ARHGEF37: variants seen among roughly 807,000 people sequenced by gnomAD.
ARHGEF37 encodes Rho guanine nucleotide exchange factor 37.
A neutral mutation model predicts 71.1 loss-of-function variants in ARHGEF37; 55 were observed. That is an observed-to-expected ratio of 0.77 (90% CI 0.62 to 0.97). ARHGEF37 has a LOEUF of 0.97. Among genes scored for constraint, ARHGEF37 ranks in the 50% least tolerant of loss-of-function variants. The pLI is 0.00. For missense variants in ARHGEF37, 765 were observed against 836.8 expected, an observed-to-expected ratio of 0.91 and a Z score of 1.06; for synonymous variants, 327 against 350.6, an observed-to-expected ratio of 0.93 and a Z score of 0.75.
At chr5:149,595,800 C>T (rs10075357) in intron 1 of ARHGEF37, among the ~76,000 whole-genome samples, 16,206 of 152,122 alleles carry the variant, frequency 0.11, 2,045 homozygotes, top group African/African-American at 0.3. Context: ...GCCACCTGGA[C>T]CACATGTGTA....
chr5:149,566,860 C>G (rs2113240774), intron 1 of ARHGEF37, among the ~76,000 whole-genome samples: 1 of 152,234 alleles, frequency 6.6e-6, no homozygotes, highest in East Asian at 1.9e-4. Flanking sequence ...GTACATATAT[C>G]TCTTCTAATT....
At chr5:149,568,930 T>TA (rs1191993923) in intron 1 of ARHGEF37, among the ~76,000 whole-genome samples, 7 of 151,508 alleles carry the variant, frequency 4.6e-5, no homozygotes, top group African/African-American at 1.7e-4. Context: ...GATTTTTTTT[T>TA]ATCATAGATT....
intron 1 of ARHGEF37, among the ~76,000 whole-genome samples, chr5:149,591,724 A>C (rs1763412528): frequency 1.3e-5 from 2 of 152,168 alleles, no homozygotes; most frequent in Admixed American, 1.3e-4. Context: ...CCATACAACT[A>C]TTCTATTTTT....
intron 4 of ARHGEF37, among the ~76,000 whole-genome samples, chr5:149,614,718 G>A (rs550323268): frequency 7.5e-4 from 114 of 152,318 alleles, no homozygotes; most frequent in African/African-American, 2.5e-3. Flanking sequence ...GATGACCAGC[G>A]TAGGCGTCTC....
chr5:149,563,173 C>G (rs1762858249), intron 1 of ARHGEF37, among the ~76,000 whole-genome samples: 1 of 152,186 alleles, frequency 6.6e-6, no homozygotes, highest in Non-Finnish European at 1.5e-5. Flanking sequence ...GCCATCCTTC[C>G]TAGACAATGC....
Position 149,598,737 on chromosome 5 carries a change from C to CAT in ARHGEF37, c.186+793_186+794dup, listed in dbSNP as rs201234693. On this transcript the variant is annotated intron_variant, in intron 2 of 12. Transcript: ENST00000333677. The stretch of plus-strand genomic sequence containing the variant: ...ACAGAATTCCAGAAAAAATAAATCT[C>CAT]ATATATATATATCTATATATAGATA... Among the ~76,000 whole-genome samples the CAT allele has an allele frequency of 6.6e-3, 695 of 104,634 alleles. 26 individuals carry two copies. The highest frequency in any genetic ancestry group is 0.022 in the African/African-American group (629 of 28,572). The allele number at this position is 104,634 out of a possible 152,430, so 68.6% of individuals were successfully genotyped here.
chr5:149,561,137 G>A (rs1171221219), intron 1 of ARHGEF37, among the ~76,000 whole-genome samples: 1 of 152,006 alleles, frequency 6.6e-6, no homozygotes, highest in East Asian at 1.9e-4. Flanking sequence ...GCTGGGCGTG[G>A]TGGCAAGCAC....
intron 1 of ARHGEF37, among the ~76,000 whole-genome samples, chr5:149,556,293 A>G (rs962316598): frequency 2.6e-5 from 4 of 152,302 alleles, no homozygotes; most frequent in African/African-American, 9.6e-5. Context: ...TCCCGGGTGC[A>G]AGTGATTCTC....
rs941042394 is a variant in ARHGEF37 at position 149,581,528 on chromosome 5, C to T, written c.-108C>T. 1 of 152,034 alleles carries T rather than the reference C, an allele frequency of 6.6e-6. No individual in the cohort carries two copies. Among genetic ancestry groups the T allele is most frequent in the Non-Finnish European group, 1.5e-5 (1 of 67,980 alleles). The allele number at this position is 152,034 out of a possible 1,614,324, so 9.4% of individuals were successfully genotyped here. A position where few individuals can be genotyped will look rare whatever the true frequency, so the allele number is the denominator to read the frequency against. ...CAGCCACCCGGAGCGGCGCGGGTGC[C>T]GGGAGCTGGGCGACGCGCCCCTCCT... is the stretch of plus-strand genomic sequence containing the variant. On this transcript the variant is annotated 5_prime_UTR_variant, in exon 1 of 13. Coordinates refer to ENST00000333677, the MANE Select transcript of ARHGEF37 (RefSeq NM_001001669.3).
chr5:149,597,632 C>T, intron 1 of ARHGEF37, 127 bp from the exon 2 acceptor site: 1 of 787,628 alleles, frequency 1.3e-6, no homozygotes, highest in Non-Finnish European at 1.9e-6. Flanking sequence ...ATAAACAGTT[C>T]ATCTTGACTC....
intron 7 of ARHGEF37, 75 bp downstream of exon 7, chr5:149,619,117 C>A: frequency 7.9e-7 from 1 of 1,265,188 alleles, no homozygotes; most frequent in Non-Finnish European, 1.2e-6. Context: ...AGGGCCCAGC[C>A]TACAAGCTGG....
chr5:149,598,318 TCTTCTTCTTTCTTCC>T (rs1763622298), intron 2 of ARHGEF37, among the ~76,000 whole-genome samples: 3 of 150,250 alleles, frequency 2.0e-5, no homozygotes, highest in Non-Finnish European at 2.9e-5. Flanking sequence ...TTCTTCTTCT[TCTTCTTCTTTCTTCC>T]TCTTCCTCTT....
At chr5:149,591,461 GC>G (rs1304140299) in intron 1 of ARHGEF37, among the ~76,000 whole-genome samples, 2 of 152,106 alleles carry the variant, frequency 1.3e-5, no homozygotes, top group Non-Finnish European at 2.9e-5. Context: ...ATAGCTCACT[GC>G]AGCCTTGAAC....
intron 1 of ARHGEF37, among the ~76,000 whole-genome samples, chr5:149,564,351 T>G (rs540034158): frequency 2.6e-5 from 4 of 152,278 alleles, no homozygotes; most frequent in South Asian, 2.1e-4. Flanking sequence ...AGCCCAGATA[T>G]CTTACTTAAC....
chr5:149,621,599 A>G (rs1752541444), intron 8 of ARHGEF37, 134 bp from the exon 9 acceptor site: 1 of 797,682 alleles, frequency 1.3e-6, no homozygotes, highest in Non-Finnish European at 2.0e-6. Flanking sequence ...GAAGTTAGAT[A>G]ACATGCTAAA....
At chr5:149,599,975 G>C (rs1160271154) in intron 2 of ARHGEF37, among the ~76,000 whole-genome samples, 2 of 152,160 alleles carry the variant, frequency 1.3e-5, no homozygotes, top group African/African-American at 4.8e-5. Flanking sequence ...GATATGTTTT[G>C]AGGAATGCAT....
intron 1 of ARHGEF37, among the ~76,000 whole-genome samples, chr5:149,582,028 TAGAC>T (rs1763120344): frequency 6.6e-6 from 1 of 152,116 alleles, no homozygotes; most frequent in African/African-American, 2.4e-5. Flanking sequence ...TAATTATGAA[TAGAC>T]AGTCAAGGCC....
At position 149,620,482 on chromosome 5, in the gene ARHGEF37, T is replaced by C; in HGVS notation, c.1005+18T>C. On this transcript the variant is annotated intron_variant, in intron 8 of 12. Transcript: ENST00000333677. ...TGAAATTTGTGAGTGGAACCTTTCCTTTCTCCTTTCTTTGTTAGGCAGGTG... is the reference window on the plus strand; with the variant it reads ...TGAAATTTGTGAGTGGAACCTTTCCCTTCTCCTTTCTTTGTTAGGCAGGTG... 6.4e-7 allele frequency: 1 copy of C among 1,553,132 alleles called. No homozygotes were observed. The highest frequency in any genetic ancestry group is 8.8e-7 in the Non-Finnish European group (1 of 1,132,354).
At chr5:149,621,054 T>C (rs1311457070) in intron 8 of ARHGEF37, among the ~76,000 whole-genome samples, 1 of 152,164 alleles carries the variant, frequency 6.6e-6, no homozygotes, top group Non-Finnish European at 1.5e-5. Flanking sequence ...ATAACCCCAT[T>C]CTGCAGGTGA....
Sources: gnomAD v4.1 joint callset for allele counts (sites outside exome capture counted in the v4.1 genomes callset) on GRCh38, gnomAD v4.1.1 for gene constraint, MANE v1.5 for transcripts, NCBI Gene and HGNC (gene_info 2026-07-23, HGNC 2026-07-21) for gene names.